Variants in MYCBP2 observed in about 807,000 individuals in gnomAD.
MYCBP2 encodes MYC binding protein 2, also known as E3 ubiquitin-protein ligase MYCBP2.
MYCBP2 carries 120 observed loss-of-function variants against 525.3 expected under a neutral mutation model. That is an observed-to-expected ratio of 0.23 (90% CI 0.20 to 0.27). The LOEUF is 0.27. Ranked by LOEUF, MYCBP2 falls within the 10% of genes least tolerant of loss-of-function variation. The pLI, the probability that MYCBP2 is intolerant of heterozygous loss-of-function variation, is 1.00. For missense variants in MYCBP2, 4,149 were observed against 5,657.1 expected (o/e 0.73, Z 8.55); for synonymous variants, 1,894 against 1,955.8 (o/e 0.97, Z 0.83).
chr13:77,097,225 G>T, intron 56 of MYCBP2, 145 bp downstream of exon 56: 1 of 1,141,928 alleles, frequency 8.8e-7, no homozygotes, highest in Non-Finnish European at 1.2e-6. Context: ...ACAAAACCCT[G>T]TACTGATAAT....
chr13:77,090,434 C>A (rs1464140169), intron 59 of MYCBP2, 171 bp from the exon 60 acceptor site: 2 of 457,084 alleles, frequency 4.4e-6, no homozygotes, highest in East Asian at 6.9e-5. Context: ...AATGCAGTAA[C>A]ATTTTGACTG....
At chr13:77,298,003 A>G (rs941754385) in intron 1 of MYCBP2, among the ~76,000 whole-genome samples, 2 of 152,208 alleles carry the variant, frequency 1.3e-5, no homozygotes, top group Non-Finnish European at 2.9e-5. Flanking sequence ...CTGAGTGGAT[A>G]ATTCCCCAGC....
At chr13:77,156,394 C>T (rs1162271471) in intron 45 of MYCBP2, among the ~76,000 whole-genome samples, 192 bp from the exon 46 acceptor site, 1 of 152,170 alleles carries the variant, frequency 6.6e-6, no homozygotes, top group African/African-American at 2.4e-5. Flanking sequence ...ATTTAAAAAA[C>T]ATGCCTAAGC....
chr13:77,222,375 G>C (rs9600835), intron 20 of MYCBP2, among the ~76,000 whole-genome samples: 4,361 of 150,216 alleles, frequency 0.029, 224 homozygotes, highest in African/African-American at 0.098. Flanking sequence ...CTTGATAGTA[G>C]TATCAATTTT....
chr13:77,236,022 G>A (rs183568404), intron 17 of MYCBP2, among the ~76,000 whole-genome samples: 127 of 152,226 alleles, frequency 8.3e-4, no homozygotes, highest in African/African-American at 2.7e-3. Flanking sequence ...AAACAGAGAA[G>A]TGCTACTGAT....
chr13:77,190,226 T>C (rs775689287), intron 29 of MYCBP2, 26 bp downstream of exon 29: 14 of 1,415,622 alleles, frequency 9.9e-6, no homozygotes, highest in African/African-American at 1.4e-5. Flanking sequence ...TAAACCATAC[T>C]AATTCAGTAT....
chr13:77,146,159 T>C lies in MYCBP2; in HGVS notation c.7187+3A>G. 1 of 1,581,340 alleles carries C rather than the reference T, an allele frequency of 6.3e-7. No homozygotes were observed. The highest frequency in any genetic ancestry group is 8.6e-7 in the Non-Finnish European group (1 of 1,165,140). ...GGTTATACTTTGAGAAAACGATCCT[T>C]ACCTCTTAGGAGTTGGTGATGCAAA... On this transcript the variant is annotated splice_donor_region_variant and intron_variant, in intron 48 of 82. Coordinates refer to ENST00000544440, the MANE Select transcript of MYCBP2 (RefSeq NM_015057.5).
chr13:77,147,784 A>T (rs2055838624), intron 47 of MYCBP2, among the ~76,000 whole-genome samples: 1 of 152,136 alleles, frequency 6.6e-6, no homozygotes, highest in African/African-American at 2.4e-5. Context: ...TAATGAAAGA[A>T]GAGACCATAT....
At chr13:77,052,792 G>GA (rs2037098880) in intron 80 of MYCBP2, among the ~76,000 whole-genome samples, 1 of 152,096 alleles carries the variant, frequency 6.6e-6, no homozygotes, top group Admixed American at 6.5e-5. Context: ...TAATGGGAAA[G>GA]AAAAAAGTAA....
chr13:77,320,237 G>A (rs1013161648), intron 1 of MYCBP2, among the ~76,000 whole-genome samples: 5 of 152,220 alleles, frequency 3.3e-5, no homozygotes, highest in African/African-American at 1.2e-4. Context: ...GGACTCAGCT[G>A]CAATCAGTTT....
At chr13:77,084,444 G>C (rs2154109567) in intron 62 of MYCBP2, among the ~76,000 whole-genome samples, 1 of 152,276 alleles carries the variant, frequency 6.6e-6, no homozygotes, top group Non-Finnish European at 1.5e-5. Flanking sequence ...TGATATAGAA[G>C]TTCTGGTTTA....
At position 77,098,522 on chromosome 13, in the gene MYCBP2, G is replaced by A; in HGVS notation, c.8632C>T (p.Pro2878Ser). The change falls in exon 56 of 83, where the codon CCA becomes TCA. Residue 2878 changes from proline to serine, a missense_variant. Around this residue, in one of 21 missense-constraint regions of MYCBP2, gnomAD observed 653 missense variants for 744.7 expected, o/e 0.88. Coordinates refer to ENST00000544440, the MANE Select transcript of MYCBP2 (RefSeq NM_015057.5). ...ATTTTCTTCTTGCGGAGGGTATCTG[G>A]ATCAAGTGTGTAAGAGTCTGATTTA... ...RSKSDSYTLD[P>S]DTLRKKKMPL... 1 of 1,613,726 alleles carries A rather than the reference G, an allele frequency of 6.2e-7. No individual in the cohort carries two copies. The highest frequency in any genetic ancestry group is 8.5e-7 in the Non-Finnish European group (1 of 1,179,816).
intron 20 of MYCBP2, among the ~76,000 whole-genome samples, chr13:77,221,824 T>C (rs2065627574): frequency 6.6e-6 from 1 of 152,162 alleles, no homozygotes. Context: ...CCATGGGGAA[T>C]TGGTTCCAGG....
intron 4 of MYCBP2, among the ~76,000 whole-genome samples, chr13:77,276,666 G>GT (rs918291254): frequency 3.0e-4 from 45 of 151,436 alleles, no homozygotes; most frequent in African/African-American, 9.5e-4. Context: ...TTTTTTGGGG[G>GT]TTTTTTTTTT....
intron 1 of MYCBP2, among the ~76,000 whole-genome samples, chr13:77,323,387 T>C (rs1408116553): frequency 6.6e-6 from 1 of 152,242 alleles, no homozygotes; most frequent in Non-Finnish European, 1.5e-5. Context: ...CTCATCATGT[T>C]TTTGTTTCTT....
intron 4 of MYCBP2, among the ~76,000 whole-genome samples, chr13:77,275,661 G>A (rs901716066): frequency 6.6e-6 from 1 of 152,038 alleles, no homozygotes; most frequent in Non-Finnish European, 1.5e-5. Flanking sequence ...TGTCCCTAAA[G>A]ATAAATAAAT....
In MYCBP2 at chr13:77,260,546, A is replaced by G. The variant is rs35967770; in HGVS notation, c.1899T>C (p.Ile633=). 7 of 1,609,682 alleles carry G rather than the reference A, an allele frequency of 4.3e-6. No individual in the cohort carries two copies. The highest frequency in any genetic ancestry group is 1.1e-5 in the South Asian group (1 of 89,784). Residue 633 remains isoleucine, a synonymous_variant, in exon 13 of 83, where the codon ATT becomes ATC. Coordinates refer to ENST00000544440, the MANE Select transcript of MYCBP2 (RefSeq NM_015057.5). Reference sequence around the variant, plus strand: ...ATACCACAATCTTTCCTTCCATCTTAATTATCTTTTTAGGTTTATAAGGTT... The same window carrying G: ...ATACCACAATCTTTCCTTCCATCTTGATTATCTTTTTAGGTTTATAAGGTT... The part of the protein sequence containing the change: ...QSKPYKPKKI[I]KMEGKIVVYT...
chr13:77,291,371 C>T (rs1249723918), intron 2 of MYCBP2, among the ~76,000 whole-genome samples: 1 of 152,150 alleles, frequency 6.6e-6, no homozygotes, highest in Non-Finnish European at 1.5e-5. Context: ...AAAGCGAATA[C>T]CATATGTTTG....
chr13:77,223,609 C>G (rs2065881415), intron 20 of MYCBP2, among the ~76,000 whole-genome samples: 1 of 152,160 alleles, frequency 6.6e-6, no homozygotes, highest in African/African-American at 2.4e-5. Context: ...ATTTAAGAAG[C>G]TGATGAGGCA....
Sources: gnomAD v4.1 joint callset for allele counts (sites outside exome capture counted in the v4.1 genomes callset) on GRCh38, gnomAD v4.1.1 for gene constraint, gnomAD v4.1.1 regional missense constraint, MANE v1.5 for transcripts, NCBI Gene and HGNC (gene_info 2026-07-23, HGNC 2026-07-21) for gene names.